The following DLG2 variants were observed in gnomAD, a reference collection of about 807,000 sequenced individuals.
DLG2 encodes disks large homolog 2.
In DLG2, 45 loss-of-function variants were observed where a neutral mutation model predicts 132.5. The observed-to-expected ratio is 0.34, with a 90% CI of 0.27 to 0.44. The LOEUF is 0.44. DLG2 is among the 20% of genes least tolerant of loss of function. DLG2 has a pLI of 1.00. For missense variants in DLG2, 1,045 were observed against 1,196.9 expected, an observed-to-expected ratio of 0.87 and a Z score of 1.87; for synonymous variants, 424 against 419.6, an observed-to-expected ratio of 1.01 and a Z score of -0.13.
At chr11:83,800,864 G>A (rs1376101690) in intron 17 of DLG2, among the ~76,000 whole-genome samples, 1 of 152,026 alleles carries the variant, frequency 6.6e-6, no homozygotes, top group South Asian at 2.1e-4. Context: ...GAATATATAA[G>A]CAAAAAATAG....
chr11:83,907,847 G>C (rs1414433181), intron 15 of DLG2, among the ~76,000 whole-genome samples: 2 of 152,002 alleles, frequency 1.3e-5, no homozygotes, highest in East Asian at 1.9e-4. Context: ...GGCCTTGTCT[G>C]CTGCTGCTTT....
At chr11:84,219,670 C>T (rs998578282) in intron 8 of DLG2, among the ~76,000 whole-genome samples, 8 of 152,230 alleles carry the variant, frequency 5.3e-5, no homozygotes, top group East Asian at 1.9e-4. Flanking sequence ...GTGTTTTCAG[C>T]GAGTGGGAAA....
chr11:85,372,549 C>A (rs190435663), intron 3 of DLG2, among the ~76,000 whole-genome samples: 23 of 152,360 alleles, frequency 1.5e-4, no homozygotes, highest in African/African-American at 5.5e-4. Context: ...ACACACAGTG[C>A]AGGTGAGCGT....
intron 7 of DLG2, among the ~76,000 whole-genome samples, chr11:84,393,055 ATAACT>A (rs2098798313): frequency 6.6e-6 from 1 of 152,180 alleles, no homozygotes; most frequent in Non-Finnish European, 1.5e-5. Context: ...TTTTTGGTAA[ATAACT>A]TAATAACGTG....
chr11:84,752,171 G>T (rs2066205793), intron 6 of DLG2, among the ~76,000 whole-genome samples: 1 of 152,118 alleles, frequency 6.6e-6, no homozygotes, highest in Non-Finnish European at 1.5e-5. Flanking sequence ...TTGCTTGCCT[G>T]GCTTTCTAGC....
chr11:85,441,288 T>C (rs2091764709), intron 3 of DLG2, among the ~76,000 whole-genome samples: 1 of 152,184 alleles, frequency 6.6e-6, no homozygotes, highest in Non-Finnish European at 1.5e-5. Flanking sequence ...CTACTCTAAA[T>C]ATGGTTTTCC....
At chr11:83,500,755 T>G (rs2094418365) in intron 21 of DLG2, among the ~76,000 whole-genome samples, 1 of 152,146 alleles carries the variant, frequency 6.6e-6, no homozygotes, top group Admixed American at 6.6e-5. Context: ...AGGCTTCCAC[T>G]GAGCCCTTAG....
chr11:83,571,569 G>A (rs1352982913), intron 19 of DLG2, among the ~76,000 whole-genome samples: 1 of 139,524 alleles, frequency 7.2e-6, no homozygotes, highest in Non-Finnish European at 1.5e-5. Context: ...TAAAAGTACT[G>A]TTATTCGAGC....
At chr11:83,980,440 A>C (rs1398314202) in intron 12 of DLG2, 66 bp downstream of exon 12, 1 of 1,501,056 alleles carries the variant, frequency 6.7e-7, no homozygotes, top group African/African-American at 1.4e-5. Context: ...ACTGACAAAG[A>C]CAGTCATACA....
intron 3 of DLG2, among the ~76,000 whole-genome samples, chr11:85,450,616 G>C (rs1257098569): frequency 6.6e-6 from 1 of 152,066 alleles, no homozygotes; most frequent in Non-Finnish European, 1.5e-5. Context: ...GATTTTTTCA[G>C]GACATTTTAT....
chr11:84,851,473 T>C lies in DLG2; in HGVS notation c.357+260188A>G, dbSNP rs531436216. On this transcript the variant is annotated intron_variant, in intron 6 of 27. Coordinates refer to ENST00000376104, the MANE Select transcript of DLG2 (RefSeq NM_001142699.3). Reference sequence around the variant, plus strand: ...CTGCCCAAATTGGAGCCCAGGAGTTTTGTGGCTTCAGCCCCCACTGTTAGC... The same window carrying C: ...CTGCCCAAATTGGAGCCCAGGAGTTCTGTGGCTTCAGCCCCCACTGTTAGC... Among the ~76,000 whole-genome samples the C allele has an allele frequency of 2.2e-4, 33 of 152,210 alleles. 1 individual carries two copies. The highest frequency in any genetic ancestry group is 7.5e-4 in the African/African-American group (31 of 41,568).
At chr11:84,650,878 T>TACATAC (rs1204686805) in intron 6 of DLG2, among the ~76,000 whole-genome samples, 4,754 of 93,148 alleles carry the variant, frequency 0.051, 132 homozygotes, top group South Asian at 0.095. Context: ...TGTGTGTATA[T>TACATAC]ATATATATAT....
chr11:84,012,957 T>G (rs749346833), intron 11 of DLG2, among the ~76,000 whole-genome samples: 2 of 151,434 alleles, frequency 1.3e-5, no homozygotes, highest in Non-Finnish European at 2.9e-5. Flanking sequence ...ATTACTTCTA[T>G]CAACAGGTCT....
intron 6 of DLG2, among the ~76,000 whole-genome samples, chr11:84,639,283 T>C (rs982218831): frequency 6.6e-6 from 1 of 152,136 alleles, no homozygotes; most frequent in Non-Finnish European, 1.5e-5. Context: ...TTGGATGTTT[T>C]ATACTGAACA....
intron 18 of DLG2, among the ~76,000 whole-genome samples, chr11:83,769,560 C>CTTTTT (rs143446772): frequency 8.1e-6 from 1 of 124,056 alleles, no homozygotes; most frequent in Non-Finnish European, 1.7e-5. Flanking sequence ...ACTCTAGCTT[C>CTTTTT]TTTTTTTTTT....
intron 7 of DLG2, among the ~76,000 whole-genome samples, chr11:84,292,270 G>A (rs1247160789): frequency 1.3e-5 from 2 of 152,132 alleles, no homozygotes; most frequent in Non-Finnish European, 2.9e-5. Flanking sequence ...CTCACCTCAT[G>A]CCTATAGTTA....
intron 10 of DLG2, among the ~76,000 whole-genome samples, chr11:84,076,651 A>G (rs1251905560): frequency 2.0e-5 from 3 of 152,136 alleles, no homozygotes; most frequent in Admixed American, 2.0e-4. Context: ...CCCAACCCTG[A>G]CTGAACCCAA....
At chr11:85,351,291 C>A (rs1281324137) in intron 3 of DLG2, among the ~76,000 whole-genome samples, 1 of 152,190 alleles carries the variant, frequency 6.6e-6, no homozygotes, top group African/African-American at 2.4e-5. Context: ...AGCTGCTTAT[C>A]AGCTTAAGGA....
At chr11:85,175,416 C>T (rs1213573520) in intron 4 of DLG2, among the ~76,000 whole-genome samples, 1 of 152,256 alleles carries the variant, frequency 6.6e-6, no homozygotes, top group East Asian at 1.9e-4. Flanking sequence ...CATTCAACAT[C>T]CTTTTATGTT....
Sources: allele counts gnomAD v4.1 joint callset (sites outside exome capture counted in the v4.1 genomes callset), GRCh38; gene constraint gnomAD v4.1.1; transcripts MANE v1.5; gene names NCBI Gene and HGNC (gene_info 2026-07-23, HGNC 2026-07-21).